The following SECISBP2L variants were observed in gnomAD, a reference collection of about 807,000 sequenced individuals.
SECISBP2L encodes the protein selenocysteine insertion sequence-binding protein 2-like.
A neutral mutation model predicts 114.7 loss-of-function variants in SECISBP2L; 43 were observed. That is an observed-to-expected ratio of 0.38 (90% confidence interval 0.29 to 0.48). SECISBP2L has a LOEUF of 0.48. Among genes scored for constraint, SECISBP2L ranks in the 20% least tolerant of loss-of-function variants. The pLI is 0.98. For missense variants in SECISBP2L, 1,136 were observed against 1,301.1 expected, an observed-to-expected ratio of 0.87 and a Z score of 1.95; for synonymous variants, 451 against 439.7, an observed-to-expected ratio of 1.03 and a Z score of -0.32.
At chr15:49,027,676 T>G (rs1273651547) in intron 6 of SECISBP2L, among the ~76,000 whole-genome samples, 196 bp from the exon 7 acceptor site, 1 of 151,758 alleles carries the variant, frequency 6.6e-6, no homozygotes, top group Non-Finnish European at 1.5e-5. Flanking sequence ...TGGCGAGATC[T>G]TGGCTCACTG....
intron 17 of SECISBP2L, among the ~76,000 whole-genome samples, chr15:48,995,611 A>T (rs1371425296): frequency 6.6e-6 from 1 of 152,196 alleles, no homozygotes; most frequent in African/African-American, 2.4e-5. Context: ...TTAAAATTTT[A>T]AAAAAAGAAG....
At chr15:49,043,903 A>G (rs922465895) in intron 1 of SECISBP2L, among the ~76,000 whole-genome samples, 14 of 152,036 alleles carry the variant, frequency 9.2e-5, no homozygotes, top group African/African-American at 3.4e-4. Flanking sequence ...AAGATTTTAT[A>G]TATTAAAAAA....
At chr15:49,003,867 C>T (rs184205626) in intron 14 of SECISBP2L, among the ~76,000 whole-genome samples, 56 of 152,290 alleles carry the variant, frequency 3.7e-4, no homozygotes, top group African/African-American at 1.2e-3. Flanking sequence ...ATTTCCGCAT[C>T]GATGTTCATC....
At chr15:49,003,925 T>C (rs1211216003) in intron 14 of SECISBP2L, among the ~76,000 whole-genome samples, 1 of 152,132 alleles carries the variant, frequency 6.6e-6, no homozygotes, top group Non-Finnish European at 1.5e-5. Context: ...CTCTGCCAGG[T>C]TTTGGTATCA....
chr15:49,027,023 T>C (rs963664288), intron 7 of SECISBP2L, among the ~76,000 whole-genome samples: 2 of 152,222 alleles, frequency 1.3e-5, no homozygotes, highest in African/African-American at 4.8e-5. Flanking sequence ...GCTACAATCC[T>C]TAAGATCAAA....
At chr15:49,015,723 T>C (rs1902522655) in intron 11 of SECISBP2L, among the ~76,000 whole-genome samples, 1 of 152,062 alleles carries the variant, frequency 6.6e-6, no homozygotes, top group Non-Finnish European at 1.5e-5. Flanking sequence ...TTTTCTCATA[T>C]ACACACACAC....
intron 7 of SECISBP2L, among the ~76,000 whole-genome samples, chr15:49,021,218 A>T (rs1902634912): frequency 1.3e-5 from 2 of 152,112 alleles, no homozygotes; most frequent in South Asian, 2.1e-4. Flanking sequence ...CCAGACATCG[A>T]ATTTGCCAGT....
intron 4 of SECISBP2L, 46 bp downstream of exon 4, chr15:49,032,919 A>G (rs778063576): frequency 2.4e-5 from 39 of 1,600,452 alleles, no homozygotes; most frequent in Non-Finnish European, 3.2e-5. Flanking sequence ...GAATGAATGA[A>G]AACAGATAAA....
At chr15:49,037,895 A>T (rs1193541127) in intron 1 of SECISBP2L, 126 bp from the exon 2 acceptor site, 9 of 621,636 alleles carry the variant, frequency 1.4e-5, no homozygotes, top group Non-Finnish European at 2.2e-5. Flanking sequence ...CATTCATAAA[A>T]CATCCAAAAG....
intron 1 of SECISBP2L, among the ~76,000 whole-genome samples, chr15:49,040,583 G>A (rs11853903): frequency 0.13 from 17,824 of 135,870 alleles, 1,623 homozygotes; most frequent in Non-Finnish European, 0.18. Context: ...TGGCCCAGGC[G>A]GGAGTGCAGT....
At chr15:49,016,416 A>G in intron 11 of SECISBP2L, 144 bp downstream of exon 11, 1 of 653,908 alleles carries the variant, frequency 1.5e-6, no homozygotes, top group South Asian at 4.3e-5. Flanking sequence ...TAAAATACAC[A>G]CACACAAACA....
At chr15:49,023,443 T>C (rs192920109) in intron 7 of SECISBP2L, among the ~76,000 whole-genome samples, 108 of 152,330 alleles carry the variant, frequency 7.1e-4, no homozygotes, top group African/African-American at 2.5e-3. Context: ...CGTATGAAAC[T>C]AGGCACTTTC....
chr15:48,994,595 A>C (rs535560843), intron 17 of SECISBP2L, among the ~76,000 whole-genome samples: 12 of 152,282 alleles, frequency 7.9e-5, no homozygotes, highest in Admixed American at 7.8e-4. Flanking sequence ...CTCTTTCTGC[A>C]GATGTGTTTT....
intron 13 of SECISBP2L, 110 bp from the exon 14 acceptor site, chr15:49,009,488 A>G (rs1489682309): frequency 9.2e-7 from 1 of 1,082,990 alleles, no homozygotes; most frequent in Admixed American, 2.8e-5. Context: ...TCATTTCCAA[A>G]TTTTCCAGAA....
In SECISBP2L at chr15:49,035,470, G is replaced by A. The variant is rs753474092; in HGVS notation, c.392C>T (p.Ser131Phe). 9 of 1,614,032 alleles carry A rather than the reference G, an allele frequency of 5.6e-6. No homozygotes were observed. Among genetic ancestry groups the A allele is most frequent in the African/African-American group, 1.3e-5 (1 of 74,908 alleles). Reference protein sequence around the residue: ...GFYHPFPTPYSNTFQAANTVN... With the variant: ...GFYHPFPTPYFNTFQAANTVN... Reference sequence around the variant, plus strand: ...AGTATTTGCAGCCTGAAAGGTGTTGGAGTAAGGTGTAGGAAAAGGATGATA... The same window carrying A: ...AGTATTTGCAGCCTGAAAGGTGTTGAAGTAAGGTGTAGGAAAAGGATGATA... Residue 131 changes from serine (S) to phenylalanine (F), a missense_variant, in exon 3 of 18, where the codon TCC (serine) becomes TTC (phenylalanine). By Grantham distance (155) the Ser-to-Phe change is radical. Around this residue, in one of 2 missense-constraint regions of SECISBP2L, gnomAD observed 452 missense variants for 452.3 expected, o/e 1.00. Coordinates refer to ENST00000559471, the MANE Select transcript of SECISBP2L (RefSeq NM_001193489.2).
At chr15:49,034,558 A>G (rs575478757) in intron 3 of SECISBP2L, among the ~76,000 whole-genome samples, 1 of 152,250 alleles carries the variant, frequency 6.6e-6, no homozygotes, top group African/African-American at 2.4e-5. Context: ...TGCTATTCCT[A>G]CTAAAAATTC....
intron 7 of SECISBP2L, among the ~76,000 whole-genome samples, chr15:49,025,999 G>A (rs1039117270): frequency 7.2e-5 from 11 of 152,162 alleles, no homozygotes; most frequent in African/African-American, 2.4e-4. Context: ...CAGATGAATG[G>A]ATGAAGAAAT....
chr15:49,010,537 G>GTC (rs1640777736), intron 13 of SECISBP2L, among the ~76,000 whole-genome samples: 1 of 151,896 alleles, frequency 6.6e-6, no homozygotes, highest in Admixed American at 6.6e-5. Context: ...TTGATACAGG[G>GTC]TCTCACTTTG....
intron 7 of SECISBP2L, among the ~76,000 whole-genome samples, chr15:49,024,186 AG>A (rs1902695868): frequency 6.6e-6 from 1 of 152,178 alleles, no homozygotes; most frequent in Admixed American, 6.5e-5. Context: ...CAAAACAAGT[AG>A]CCCCAAAATA....
Sources: allele counts gnomAD v4.1 joint callset (sites outside exome capture counted in the v4.1 genomes callset), GRCh38; gene constraint gnomAD v4.1.1; regional missense constraint gnomAD v4.1.1; transcripts MANE v1.5; gene names NCBI Gene and HGNC (gene_info 2026-07-23, HGNC 2026-07-21).